The following RPGRIP1 variants were observed in gnomAD, a reference collection of about 807,000 sequenced individuals.
RPGRIP1 encodes X-linked retinitis pigmentosa GTPase regulator-interacting protein 1.
Under a neutral mutation model 157.9 loss-of-function variants are expected in RPGRIP1, and 128 were observed. That is an observed-to-expected ratio of 0.81 (90% CI 0.70 to 0.94). The LOEUF is 0.94. Among genes scored for constraint, RPGRIP1 ranks in the 40% least tolerant of loss-of-function variants. The pLI, the probability that RPGRIP1 is intolerant of heterozygous loss-of-function variation, is 0.00. For synonymous variants in RPGRIP1, 554 were observed against 571.6 expected, an observed-to-expected ratio of 0.97 and a Z score of 0.44; for missense variants, 1,486 against 1,545.8, an observed-to-expected ratio of 0.96 and a Z score of 0.65.
chr14:21,296,393 T>A (rs1473154583), intron 3 of RPGRIP1, among the ~76,000 whole-genome samples: 7 of 151,412 alleles, frequency 4.6e-5, no homozygotes, highest in African/African-American at 1.7e-4. Flanking sequence ...TTTTTTTTTT[T>A]AGTAGAGATG....
In RPGRIP1 at chr14:21,320,033, G is replaced by T; in HGVS notation, c.1323G>T (p.Leu441=). The T allele has an allele frequency of 6.2e-7, 1 of 1,612,130 alleles. No individual in the cohort carries two copies. The highest frequency in any genetic ancestry group is 2.2e-5 in the East Asian group (1 of 44,854). ...TTTCCCCAGCCCAAAATGAGGATCT[G>T]AAGCTTGAAGTCACCAACATACTTC... ...LSREKAQNED[L]KLEVTNILQK... Residue 441 remains leucine (L), a synonymous_variant, in exon 12 of 25, where the codon CTG becomes CTT. Transcript: ENST00000400017.
chr14:21,319,928 G>A, intron 11 of RPGRIP1, 89 bp from the exon 12 acceptor site: 1 of 1,203,936 alleles, frequency 8.3e-7, no homozygotes, highest in Non-Finnish European at 1.2e-6. Flanking sequence ...TTAAACCTTA[G>A]TGGGAAGATT....
chr14:21,315,495 A>G (rs908393641), intron 10 of RPGRIP1, among the ~76,000 whole-genome samples: 3 of 149,036 alleles, frequency 2.0e-5, no homozygotes, highest in Non-Finnish European at 4.4e-5. Flanking sequence ...CGACAGAGCC[A>G]GACTCCGTCT....
rs1885326760 is a variant in RPGRIP1, at chr14:21,344,164, C to T, written c.3532+936C>T. On this transcript the variant is annotated intron_variant, in intron 22 of 24. Transcript: ENST00000400017. The stretch of plus-strand genomic sequence containing the variant: ...TTGTATCATAATTTTTATTTAAATC[C>T]ATTTAAATTGGTTCTGTTATTATGG... Among the ~76,000 whole-genome samples the T allele has an allele frequency of 3.9e-5, 6 of 151,912 alleles. No homozygotes were observed. In the South Asian group the frequency reaches 1.2e-3, roughly 32 times the overall value.
chr14:21,326,704 G>A (rs1883151999), intron 17 of RPGRIP1, among the ~76,000 whole-genome samples: 1 of 152,136 alleles, frequency 6.6e-6, no homozygotes, highest in East Asian at 1.9e-4. Context: ...ATGCTGTCTA[G>A]TATCTGTCTT....
chr14:21,323,254 G>A (rs765235215), intron 14 of RPGRIP1, among the ~76,000 whole-genome samples: 3 of 151,958 alleles, frequency 2.0e-5, no homozygotes, highest in South Asian at 2.1e-4. Flanking sequence ...AAACCCCATC[G>A]CTACTAAAAA....
intron 24 of RPGRIP1, among the ~76,000 whole-genome samples, chr14:21,349,743 C>T (rs1467041343): frequency 1.3e-5 from 2 of 152,178 alleles, no homozygotes; most frequent in African/African-American, 2.4e-5. Context: ...CCGGTTTCTT[C>T]TACCCCATTT....
At chr14:21,333,026 G>C (rs1883952590) in intron 20 of RPGRIP1, among the ~76,000 whole-genome samples, 1 of 152,120 alleles carries the variant, frequency 6.6e-6, no homozygotes, top group Non-Finnish European at 1.5e-5. Flanking sequence ...CTTGAACCTG[G>C]GAGGCAGAAG....
chr14:21,288,159 C>A, intron 2 of RPGRIP1, 98 bp downstream of exon 2: 1 of 776,664 alleles, frequency 1.3e-6, no homozygotes, highest in Non-Finnish European at 2.2e-6. Flanking sequence ...TTACTTTCAG[C>A]TCTTTTCTTC....
intron 14 of RPGRIP1, among the ~76,000 whole-genome samples, chr14:21,323,155 C>T (rs1281893486): frequency 1.3e-5 from 2 of 152,138 alleles, no homozygotes; most frequent in Non-Finnish European, 2.9e-5. Flanking sequence ...GGCACGGTGG[C>T]TCACACCTGT....
chr14:21,319,907 T>G, intron 11 of RPGRIP1, 110 bp from the exon 12 acceptor site: 1 of 1,067,214 alleles, frequency 9.4e-7, no homozygotes, highest in Non-Finnish European at 1.4e-6. Context: ...TTCTCAAATT[T>G]ATAACATTAA....
chr14:21,283,244 A>T (rs1880194686), intron 1 of RPGRIP1, among the ~76,000 whole-genome samples: 1 of 152,168 alleles, frequency 6.6e-6, no homozygotes, highest in Non-Finnish European at 1.5e-5. Flanking sequence ...TTTCTACAGT[A>T]GGAAACTAGG....
chr14:21,292,324 T>TC (rs1179177465), intron 2 of RPGRIP1, among the ~76,000 whole-genome samples: 1 of 152,080 alleles, frequency 6.6e-6, no homozygotes, highest in Admixed American at 6.6e-5. Context: ...AGTTGTATTT[T>TC]TTTTTTTCAT....
At chr14:21,317,242 C>T (rs568334221) in intron 10 of RPGRIP1, among the ~76,000 whole-genome samples, 3 of 152,260 alleles carry the variant, frequency 2.0e-5, no homozygotes, top group East Asian at 3.9e-4. Context: ...GTTTAATTCC[C>T]GCCCTTCAGC....
At position 21,321,873 on chromosome 14, in the gene RPGRIP1, T is replaced by A. The variant is rs748892211; in HGVS notation, c.1631T>A (p.Met544Lys). The change falls in exon 14 of 25, where the codon ATG (methionine) becomes AAG (lysine). Residue 544 changes from methionine (M) to lysine (K), a missense_variant. By Grantham distance (95) the Met-to-Lys change is moderately conservative. Coordinates refer to ENST00000400017, the MANE Select transcript of RPGRIP1 (RefSeq NM_020366.4). ...VCYQEELEAM[M>K]TKADNDNRDH... ...TTTCAGGAGGAACTGGAGGCAATGA[T>A]GACAAAAGCTGACAATGATAATAGA... The A allele has an allele frequency of 3.7e-6, 6 of 1,612,890 alleles. No individual in the cohort carries two copies. The highest frequency in any genetic ancestry group is 1.7e-5 in the Admixed American group (1 of 59,792).
At chr14:21,350,376 CAAAA>C (rs765881214) in intron 24 of RPGRIP1, among the ~76,000 whole-genome samples, 1 of 22,206 alleles carries the variant, frequency 4.5e-5, no homozygotes, top group Admixed American at 3.3e-4. Context: ...ACTCTGTCTC[CAAAA>C]AAAAAAAAAA....
At chr14:21,317,396 T>C (rs1462339640) in intron 10 of RPGRIP1, 2 of 574,086 alleles carry the variant, frequency 3.5e-6, no homozygotes, top group East Asian at 2.8e-5. Context: ...TGATACATAG[T>C]TCCCTGACTA....
At chr14:21,337,688 C>T (rs1381634451) in intron 21 of RPGRIP1, among the ~76,000 whole-genome samples, 1 of 151,554 alleles carries the variant, frequency 6.6e-6, no homozygotes, top group African/African-American at 2.4e-5. Flanking sequence ...GTGATCCACC[C>T]ACCTCGGCCT....
rs562792433 is a variant in RPGRIP1, at chr14:21,311,412, C to T, written c.931-412C>T. Among the ~76,000 whole-genome samples, 8 of 152,148 alleles carry T rather than the reference C, an allele frequency of 5.3e-5. No homozygotes were observed. In the East Asian group the frequency reaches 7.7e-4, roughly 15 times the overall value. On this transcript the variant is annotated intron_variant, in intron 8 of 24. Coordinates refer to ENST00000400017, the MANE Select transcript of RPGRIP1 (RefSeq NM_020366.4). Reference sequence around the variant, plus strand: ...ATTAAAAATACAAAAATTAGCTGGGCGTGGTGGCTCATGCCTGTAATCCCA... The same window carrying T: ...ATTAAAAATACAAAAATTAGCTGGGTGTGGTGGCTCATGCCTGTAATCCCA...
Sources: allele counts gnomAD v4.1 joint callset (sites outside exome capture counted in the v4.1 genomes callset), GRCh38; gene constraint gnomAD v4.1.1; transcripts MANE v1.5; gene names NCBI Gene and HGNC (gene_info 2026-07-23, HGNC 2026-07-21).